MGAT4C: variants seen among roughly 807,000 people sequenced by gnomAD.
MGAT4C encodes MGAT4 family member C.
In MGAT4C, 19 loss-of-function variants were observed where a neutral mutation model predicts 40.1. That is an observed-to-expected ratio of 0.47 (90% CI 0.33 to 0.70). The LOEUF is 0.70. Among genes scored for constraint, MGAT4C ranks in the 30% least tolerant of loss-of-function variants. The pLI is 0.02. For synonymous variants in MGAT4C, 181 were observed against 187.1 expected (o/e 0.97, Z 0.27); for missense variants, 491 against 563.2 (o/e 0.87, Z 1.30).
intron 2 of MGAT4C, among the ~76,000 whole-genome samples, chr12:86,016,660 A>G (rs184705277): frequency 6.6e-6 from 1 of 152,332 alleles, no homozygotes; most frequent in Non-Finnish European, 1.5e-5. Flanking sequence ...CTGATTAGAA[A>G]AATTTAGGGA....
At chr12:86,546,933 A>G (rs549298014) in intron 2 of MGAT4C, among the ~76,000 whole-genome samples, 13 of 152,160 alleles carry the variant, frequency 8.5e-5, no homozygotes, top group Non-Finnish European at 1.8e-4. Context: ...CCATGGTGTT[A>G]TTTCTAAAAT....
At chr12:86,057,584 C>T (rs1893530763) in intron 1 of MGAT4C, among the ~76,000 whole-genome samples, 1 of 152,150 alleles carries the variant, frequency 6.6e-6, no homozygotes, top group African/African-American at 2.4e-5. Context: ...GTCACCTCTG[C>T]AGGAATGGCT....
At chr12:86,346,107 T>A (rs12321977) in intron 3 of MGAT4C, among the ~76,000 whole-genome samples, 1 of 152,230 alleles carries the variant, frequency 6.6e-6, no homozygotes, top group Non-Finnish European at 1.5e-5. Flanking sequence ...GCTATTTATA[T>A]AAATTGTGCC....
At chr12:86,593,406 C>G (rs1961411210) in intron 2 of MGAT4C, among the ~76,000 whole-genome samples, 1 of 151,958 alleles carries the variant, frequency 6.6e-6, no homozygotes, top group East Asian at 1.9e-4. Context: ...ATTTTCTACT[C>G]TCTGCTAGCT....
chr12:86,180,544 G>T (rs939293489), intron 1 of MGAT4C, among the ~76,000 whole-genome samples: 5 of 152,182 alleles, frequency 3.3e-5, no homozygotes, highest in African/African-American at 1.2e-4. Context: ...AGACACAGGG[G>T]CAGAGCTGCC....
intron 2 of MGAT4C, among the ~76,000 whole-genome samples, chr12:86,593,757 T>A (rs1304792082): frequency 6.6e-6 from 1 of 152,198 alleles, no homozygotes; most frequent in Admixed American, 6.5e-5. Context: ...AGACTGAGAT[T>A]TTTTTCGGCT....
At chr12:86,226,654 A>G (rs12311272) in intron 1 of MGAT4C, among the ~76,000 whole-genome samples, 19,432 of 151,862 alleles carry the variant, frequency 0.13, 2,820 homozygotes, top group African/African-American at 0.36. Context: ...AGTCAGCTAT[A>G]TATTTTGTCA....
At chr12:86,756,583 A>G (rs1463220806) in intron 1 of MGAT4C, among the ~76,000 whole-genome samples, 2 of 152,188 alleles carry the variant, frequency 1.3e-5, no homozygotes, top group East Asian at 3.9e-4. Flanking sequence ...TAAACTGAAT[A>G]GCATATCACT....
At chr12:86,238,572 T>G (rs1402473360) in intron 1 of MGAT4C, among the ~76,000 whole-genome samples, 1 of 152,050 alleles carries the variant, frequency 6.6e-6, no homozygotes, top group Non-Finnish European at 1.5e-5. Context: ...TATAGCTTCA[T>G]AGTAGATCTA....
intron 1 of MGAT4C, among the ~76,000 whole-genome samples, chr12:86,233,077 T>C (rs539538357): frequency 6.6e-6 from 1 of 152,294 alleles, no homozygotes; most frequent in Non-Finnish European, 1.5e-5. Context: ...AGTCTCTAGG[T>C]TATTCTGTTT....
intron 1 of MGAT4C, among the ~76,000 whole-genome samples, chr12:86,143,544 C>T (rs553071271): frequency 3.9e-4 from 59 of 152,200 alleles, no homozygotes; most frequent in African/African-American, 1.2e-3. Context: ...GAAAAATTTA[C>T]GCTTAGGGTA....
intron 2 of MGAT4C, chr12:86,013,906 C>T (rs1423389795): frequency 3.7e-6 from 1 of 272,082 alleles, no homozygotes; most frequent in Non-Finnish European, 5.6e-6. Context: ...CTCCTACAAT[C>T]ATATTTAGAG....
At chr12:86,809,436 T>C (rs1429718381) in intron 1 of MGAT4C, among the ~76,000 whole-genome samples, 1 of 152,026 alleles carries the variant, frequency 6.6e-6, no homozygotes, top group Non-Finnish European at 1.5e-5. Context: ...AATTATATGT[T>C]TACTTTTACA....
intron 2 of MGAT4C, among the ~76,000 whole-genome samples, chr12:86,516,780 T>G (rs1343481946): frequency 6.6e-6 from 1 of 152,150 alleles, no homozygotes. Context: ...TGAAAATATG[T>G]TCAACCTTAT....
intron 2 of MGAT4C, among the ~76,000 whole-genome samples, chr12:86,439,467 C>T (rs1210828416): frequency 1.3e-5 from 2 of 152,004 alleles, no homozygotes; most frequent in East Asian, 1.9e-4. Flanking sequence ...CTCTGTGATA[C>T]TGCAAACGCA....
intron 3 of MGAT4C, among the ~76,000 whole-genome samples, chr12:85,984,768 TTTTA>T (rs1299602784): frequency 6.6e-6 from 1 of 151,810 alleles, no homozygotes; most frequent in Non-Finnish European, 1.5e-5. Context: ...TACTATGTGG[TTTTA>T]TTTATTTATT....
chr12:86,390,666 A>T (rs1003411440), intron 3 of MGAT4C, among the ~76,000 whole-genome samples: 4 of 152,192 alleles, frequency 2.6e-5, no homozygotes, highest in African/African-American at 9.6e-5. Flanking sequence ...AATTTGAATC[A>T]CAAACAAATA....
intron 3 of MGAT4C, among the ~76,000 whole-genome samples, chr12:86,419,580 A>G (rs1956783287): frequency 6.6e-6 from 1 of 152,186 alleles, no homozygotes; most frequent in Non-Finnish European, 1.5e-5. Context: ...GAAGAATAAA[A>G]GCATGACACT....
intron 1 of MGAT4C, among the ~76,000 whole-genome samples, chr12:86,788,153 AT>A (rs1386493536): frequency 6.6e-6 from 1 of 151,164 alleles, no homozygotes; most frequent in East Asian, 1.9e-4. Context: ...CCACATATAC[AT>A]ATACACATAT....
Sources: allele counts gnomAD v4.1 joint callset (sites outside exome capture counted in the v4.1 genomes callset), GRCh38; gene constraint gnomAD v4.1.1; transcripts MANE v1.5; gene names NCBI Gene and HGNC (gene_info 2026-07-23, HGNC 2026-07-21).